PFDN4: variants seen among roughly 807,000 people sequenced by gnomAD.
PFDN4 encodes the protein prefoldin subunit 4, also known as prefoldin 4.
In PFDN4, 6 loss-of-function variants were observed where a neutral mutation model predicts 17.6. The observed-to-expected ratio is 0.34, with a 90% CI of 0.19 to 0.67. The LOEUF (loss-of-function observed/expected upper bound fraction) is 0.67. Ranked by LOEUF, PFDN4 falls within the 30% of genes least tolerant of loss-of-function variation. PFDN4 has a pLI of 0.68. For synonymous variants in PFDN4, 48 were observed against 51.1 expected, an observed-to-expected ratio of 0.94 and a Z score of 0.26; for missense variants, 119 against 158.4, an observed-to-expected ratio of 0.75 and a Z score of 1.33.
At chr20:54,218,979 T>A in intron 3 of PFDN4, 40 bp from the exon 4 acceptor site, 1 of 1,251,980 alleles carries the variant, frequency 8.0e-7, no homozygotes, top group Non-Finnish European at 1.1e-6. Flanking sequence ...TCAGAAATCA[T>A]CCTATTGAAT....
intron 3 of PFDN4, among the ~76,000 whole-genome samples, chr20:54,216,100 A>G (rs2092762111): frequency 6.6e-6 from 1 of 152,246 alleles, no homozygotes; most frequent in Non-Finnish European, 1.5e-5. Flanking sequence ...TACTGTGAGC[A>G]TTCTTCTACA....
intron 3 of PFDN4, 42 bp from the exon 4 acceptor site, chr20:54,218,976 TC>T: frequency 8.1e-7 from 1 of 1,239,896 alleles, no homozygotes; most frequent in Non-Finnish European, 1.1e-6. Context: ...TGCTCAGAAA[TC>T]ATCCTATTGA....
chr20:54,213,554 T>C lies in PFDN4; in HGVS notation c.25-797T>C, dbSNP rs1316612350. On this transcript the variant is annotated intron_variant, in intron 1 of 3. Transcript: ENST00000371419. The stretch of plus-strand genomic sequence containing the variant: ...TGGCTCTGTGGCTTTGGCCATATTA[T>C]ATAAAGTGTACCTCAGTTTCTCAAT... 2.0e-5 allele frequency among the ~76,000 whole-genome samples: 3 copies of C among 152,328 alleles called. No individual in the cohort carries two copies. The East Asian group carries it at 5.8e-4, about 29-fold the overall frequency.
rs1325596744 is a variant in PFDN4 at position 54,218,207 on chromosome 20, A to T, written c.274-812A>T. Among the ~76,000 whole-genome samples the T allele has an allele frequency of 8.0e-5, 12 of 149,318 alleles. No homozygotes were observed. The East Asian group carries it at 2.3e-3, about 29-fold the overall frequency. ...TTTTTTTTTTTAAAACAAAGAGTAT[A>T]TGTTAAAATTTATTTAATCTATTAA... On this transcript the variant is annotated intron_variant, in intron 3 of 3. Coordinates refer to ENST00000371419, the MANE Select transcript of PFDN4 (RefSeq NM_002623.4).
intron 1 of PFDN4, 90 bp downstream of exon 1, chr20:54,208,214 T>C (rs138318143): frequency 0.044 from 53,833 of 1,218,972 alleles, 1,308 homozygotes; most frequent in Middle Eastern, 0.086. Flanking sequence ...GGTGCGCAGC[T>C]CCGAAGCCCG....
intron 1 of PFDN4, among the ~76,000 whole-genome samples, chr20:54,212,014 G>A (rs996653754): frequency 3.9e-5 from 6 of 152,190 alleles, no homozygotes; most frequent in Non-Finnish European, 8.8e-5. Context: ...CCAACATGGT[G>A]AAACCCCTTC....
At chr20:54,208,201 G>A (rs1159704101) in intron 1 of PFDN4, 77 bp downstream of exon 1, 2 of 1,346,804 alleles carry the variant, frequency 1.5e-6, no homozygotes, top group African/African-American at 1.5e-5. Flanking sequence ...GCGGGATGCT[G>A]GGGGTGCGCA....
At chr20:54,210,339 A>G (rs1396707014) in intron 1 of PFDN4, among the ~76,000 whole-genome samples, 1 of 152,222 alleles carries the variant, frequency 6.6e-6, no homozygotes, top group Non-Finnish European at 1.5e-5. Flanking sequence ...ACAATTCCCG[A>G]TAGATTAGCT....
At chr20:54,214,602 ATT>A (rs528818258) in intron 2 of PFDN4, 144 bp downstream of exon 2, 6 of 458,048 alleles carry the variant, frequency 1.3e-5, no homozygotes, top group Non-Finnish European at 2.4e-5. Flanking sequence ...GCAGAAAGTC[ATT>A]TTTTTTTTAA....
intron 3 of PFDN4, among the ~76,000 whole-genome samples, chr20:54,218,249 A>G (rs1351622749): frequency 6.6e-6 from 1 of 151,420 alleles, no homozygotes; most frequent in African/African-American, 2.4e-5. Flanking sequence ...AAGCATTAAC[A>G]TTACAAAACT....
At chr20:54,216,390 G>A (rs765521371) in intron 3 of PFDN4, among the ~76,000 whole-genome samples, 2 of 152,126 alleles carry the variant, frequency 1.3e-5, no homozygotes, top group African/African-American at 2.4e-5. Context: ...GCAAAACTTC[G>A]TATGAATGAA....
chr20:54,214,602 A>T (rs2092760190), intron 2 of PFDN4, 144 bp downstream of exon 2: 3 of 458,052 alleles, frequency 6.5e-6, no homozygotes, highest in South Asian at 3.6e-5. Flanking sequence ...GCAGAAAGTC[A>T]TTTTTTTTTT....
chr20:54,214,857 C>G (rs966184109), intron 2 of PFDN4, among the ~76,000 whole-genome samples: 1 of 152,180 alleles, frequency 6.6e-6, no homozygotes, highest in African/African-American at 2.4e-5. Context: ...GAGTTGAAAT[C>G]CAGCTCAAAT....
At chr20:54,215,164 A>C (rs928137738) in intron 2 of PFDN4, 136 bp from the exon 3 acceptor site, 2 of 560,784 alleles carry the variant, frequency 3.6e-6, no homozygotes, top group Non-Finnish European at 6.4e-6. Context: ...GTTACAAATT[A>C]AGGTCTTATT....
chr20:54,218,481 T>C (rs1000543207), intron 3 of PFDN4, among the ~76,000 whole-genome samples: 3 of 152,178 alleles, frequency 2.0e-5, no homozygotes, highest in Admixed American at 2.0e-4. Flanking sequence ...TATCTGAGTT[T>C]TCACTGGGCA....
chr20:54,210,749 A>G (rs1284075706), intron 1 of PFDN4, among the ~76,000 whole-genome samples: 1 of 152,186 alleles, frequency 6.6e-6, no homozygotes, highest in Non-Finnish European at 1.5e-5. Flanking sequence ...TATTTTCATC[A>G]TCACGTTTGT....
At chr20:54,217,227 C>T (rs1228115165) in intron 3 of PFDN4, among the ~76,000 whole-genome samples, 1 of 149,492 alleles carries the variant, frequency 6.7e-6, no homozygotes, top group Non-Finnish European at 1.5e-5. Context: ...GAAGGGCTCC[C>T]AGGGAAAGTG....
chr20:54,214,433 T>C lies in PFDN4; in HGVS notation c.107T>C (p.Leu36Pro). 4 of 1,561,490 alleles carry C rather than the reference T, an allele frequency of 2.6e-6. No homozygotes were observed. Among genetic ancestry groups the C allele is most frequent in the Non-Finnish European group, 3.5e-6 (4 of 1,142,068 alleles). ...CGGAATACAAGTAGAATCACAGAGCTGAAGGAAGAAATAGAAGTAAAAAAG... is the reference window on the plus strand; with the variant it reads ...CGGAATACAAGTAGAATCACAGAGCCGAAGGAAGAAATAGAAGTAAAAAAG... ...FARNTSRITE[L>P]KEEIEVKKKQ... The change falls in exon 2 of 4, where the codon CTG (leucine) becomes CCG (proline). Residue 36 changes from leucine to proline, a missense_variant. Leu to Pro is a moderately conservative substitution (Grantham distance 98, BLOSUM62 -3). Around this residue, in one of 3 missense-constraint regions of PFDN4, gnomAD observed 9 missense variants for 27.8 expected, o/e 0.32. Coordinates refer to ENST00000371419, the MANE Select transcript of PFDN4 (RefSeq NM_002623.4).
intron 1 of PFDN4, among the ~76,000 whole-genome samples, chr20:54,213,695 TTTA>T (rs2092758964): frequency 6.6e-6 from 1 of 152,242 alleles, no homozygotes; most frequent in African/African-American, 2.4e-5. Context: ...TAGCTATTTT[TTTA>T]TTATTTCATT....
Sources: allele counts gnomAD v4.1 joint callset (sites outside exome capture counted in the v4.1 genomes callset), GRCh38; gene constraint gnomAD v4.1.1; regional missense constraint gnomAD v4.1.1; transcripts MANE v1.5; gene names NCBI Gene and HGNC (gene_info 2026-07-23, HGNC 2026-07-21).